Variants in MCM8 observed in about 807,000 individuals in gnomAD.
MCM8 encodes the protein minichromosome maintenance 8 homologous recombination repair factor, also known as DNA helicase MCM8.
Under a neutral mutation model 98.9 loss-of-function variants are expected in MCM8, and 85 were observed. The observed-to-expected ratio is 0.86, with a 90% CI of 0.72 to 1.03. The LOEUF (loss-of-function observed/expected upper bound fraction) is 1.03. Among genes scored for constraint, MCM8 ranks in the 50% least tolerant of loss-of-function variants. MCM8 has a pLI of 0.00. For missense variants in MCM8, 951 were observed against 997.8 expected (o/e 0.95, Z 0.63); for synonymous variants, 352 against 338.6 (o/e 1.04, Z -0.44).
chr20:5,953,533 G>A lies in MCM8; in HGVS notation c.253+1005G>A, dbSNP rs188768187. The stretch of plus-strand genomic sequence containing the variant: ...CTGTTGCCCAGGCTGAAGTGCAGTG[G>A]CGCGATCTTGGCTCACTGCAAGCTC... On this transcript the variant is annotated intron_variant, in intron 3 of 18. Coordinates refer to ENST00000610722, the MANE Select transcript of MCM8 (RefSeq NM_032485.6). Among the ~76,000 whole-genome samples, 604 of 151,728 alleles carry A rather than the reference G, an allele frequency of 4.0e-3. 4 individuals carry two copies. Among genetic ancestry groups the A allele is most frequent in the African/African-American group, 0.014 (570 of 41,324 alleles).
chr20:5,951,622 T>C (rs926652849), intron 1 of MCM8, among the ~76,000 whole-genome samples: 1 of 152,236 alleles, frequency 6.6e-6, no homozygotes, highest in Non-Finnish European at 1.5e-5. Flanking sequence ...GCCAGAATTA[T>C]GTTCATCCTG....
chr20:5,963,391 G>C (rs756187951), intron 8 of MCM8, 32 bp downstream of exon 8: 1 of 1,511,740 alleles, frequency 6.6e-7, no homozygotes, highest in Admixed American at 1.7e-5. Flanking sequence ...TAAAAGGCAG[G>C]CTTTAGATGT....
At position 5,995,987 on chromosome 20, in the gene MCM8, G is replaced by A. The variant is rs533390999; in HGVS notation, c.*1596G>A. ...TTTTTAAGTGAGGAAGGAAAAATCA[G>A]GAATCAAAAGGGGCCAGGTGCAGTG... is the stretch of plus-strand genomic sequence containing the variant. On this transcript the variant is annotated 3_prime_UTR_variant, in exon 19 of 19. Transcript: ENST00000610722. 7 of 152,234 alleles carry A rather than the reference G, an allele frequency of 4.6e-5. No individual in the cohort carries two copies. Among genetic ancestry groups the A allele is most frequent in the Non-Finnish European group, 8.8e-5 (6 of 68,084 alleles). 9.4% of individuals were successfully genotyped at this position (152,234 alleles called of 1,614,324 possible). A position where few individuals can be genotyped will look rare whatever the true frequency, so the allele number is the denominator to read the frequency against.
chr20:5,972,141 A>G (rs1272708537), intron 11 of MCM8, 104 bp downstream of exon 11: 3 of 741,718 alleles, frequency 4.0e-6, no homozygotes, highest in African/African-American at 3.6e-5. Context: ...CCAGTTATTT[A>G]TATCTTAATA....
intron 7 of MCM8, 93 bp downstream of exon 7, chr20:5,958,819 C>T: frequency 8.9e-7 from 1 of 1,123,560 alleles, no homozygotes; most frequent in South Asian, 1.7e-5. Context: ...GAACACAGAG[C>T]TTATTTTTAT....
intron 17 of MCM8, 56 bp downstream of exon 17, chr20:5,987,414 A>C: frequency 4.2e-6 from 6 of 1,439,716 alleles, no homozygotes; most frequent in Non-Finnish European, 4.8e-6. Context: ...TTCCCATCTC[A>C]AATTAGGTAA....
Position 5,957,156 on chromosome 20 carries a change from G to A in MCM8, c.517G>A (p.Ala173Thr), listed in dbSNP as rs1385189524. ...VLTKDLERHA[A>T]ELQAQEGLSN... The stretch of plus-strand genomic sequence containing the variant: ...AACTAAGGACCTTGAAAGGCATGCA[G>A]CTGAGTTACAAGCCCAGGAAGGATT... The change falls in exon 6 of 19, where the codon GCT becomes ACT. Residue 173 changes from alanine (A) to threonine (T), a missense_variant. By Grantham distance (58) the Ala-to-Thr change is moderately conservative (BLOSUM62 0). Transcript: ENST00000610722. 6.2e-7 allele frequency: 1 copy of A among 1,613,702 alleles called. No homozygotes were observed. Among genetic ancestry groups the A allele is most frequent in the East Asian group, 2.2e-5 (1 of 44,836 alleles).
At chr20:5,964,835 C>T (rs763765694) in intron 8 of MCM8, among the ~76,000 whole-genome samples, 8 of 152,118 alleles carry the variant, frequency 5.3e-5, no homozygotes, top group Non-Finnish European at 1.2e-4. Flanking sequence ...ATTGTACTTA[C>T]ATTAATTAAG....
At chr20:5,959,600 C>G (rs1483339388) in intron 7 of MCM8, among the ~76,000 whole-genome samples, 1 of 149,692 alleles carries the variant, frequency 6.7e-6, no homozygotes, top group African/African-American at 2.5e-5. Context: ...CAATTGTGCT[C>G]TTTCCAGTTT....
chr20:5,958,162 C>T (rs1342607454), intron 6 of MCM8, among the ~76,000 whole-genome samples: 4 of 152,126 alleles, frequency 2.6e-5, no homozygotes, highest in East Asian at 1.9e-4. Context: ...CGAGGTCAAG[C>T]GATCGAGACC....
At chr20:5,958,854 TA>T in intron 7 of MCM8, 128 bp downstream of exon 7, 1 of 857,450 alleles carries the variant, frequency 1.2e-6, no homozygotes, top group Non-Finnish European at 1.7e-6. Flanking sequence ...TTTCTGCTTT[TA>T]TATTATGAAA....
At chr20:5,964,862 A>G (rs1035784213) in intron 8 of MCM8, among the ~76,000 whole-genome samples, 2 of 152,252 alleles carry the variant, frequency 1.3e-5, no homozygotes, top group Non-Finnish European at 2.9e-5. Flanking sequence ...AAGCTTTAAT[A>G]ACATGTGCAT....
chr20:5,958,294 G>A (rs536270006), intron 6 of MCM8, among the ~76,000 whole-genome samples: 5 of 152,282 alleles, frequency 3.3e-5, no homozygotes, highest in South Asian at 2.1e-4. Flanking sequence ...ACTTGAACCC[G>A]GGAGGCAGTG....
intron 8 of MCM8, chr20:5,965,639 AAG>A (rs1391484543): frequency 6.6e-6 from 1 of 152,200 alleles, no homozygotes; most frequent in Non-Finnish European, 1.5e-5. Flanking sequence ...AAAATGACTC[AAG>A]CATCAAATTA....
At chr20:5,984,463 T>A (rs927417982) in intron 14 of MCM8, among the ~76,000 whole-genome samples, 2 of 152,202 alleles carry the variant, frequency 1.3e-5, no homozygotes, top group African/African-American at 4.8e-5. Flanking sequence ...AACAAAATAC[T>A]GAACTAGCTA....
intron 7 of MCM8, among the ~76,000 whole-genome samples, chr20:5,961,836 C>A (rs2089151059): frequency 6.6e-6 from 1 of 152,156 alleles, no homozygotes; most frequent in South Asian, 2.1e-4. Context: ...AAGAGGTCCT[C>A]CATTTGTCTG....
intron 14 of MCM8, among the ~76,000 whole-genome samples, chr20:5,983,900 A>G (rs2089679525): frequency 6.6e-6 from 1 of 152,196 alleles, no homozygotes; most frequent in Admixed American, 6.5e-5. Flanking sequence ...ATTGCTGCCA[A>G]ACATTGGAAA....
Position 5,952,532 on chromosome 20 carries a change from G to A in MCM8, c.253+4G>A. 1 of 1,610,054 alleles carries A rather than the reference G, an allele frequency of 6.2e-7. No homozygotes were observed. Among genetic ancestry groups the A allele is most frequent in the Non-Finnish European group, 8.5e-7 (1 of 1,178,124 alleles). The stretch of plus-strand genomic sequence containing the variant: ...TGGAAGCTTTATTTCTCTGAAGGTA[G>A]GGTTTAAAAAGTACAAAAAAGCACC... On this transcript the variant is annotated splice_donor_region_variant and intron_variant, in intron 3 of 18. Coordinates refer to ENST00000610722, the MANE Select transcript of MCM8 (RefSeq NM_032485.6).
chr20:5,966,642 C>T (rs888531686), intron 8 of MCM8, among the ~76,000 whole-genome samples: 2 of 152,046 alleles, frequency 1.3e-5, no homozygotes, highest in African/African-American at 4.8e-5. Context: ...GTTTCCTTTG[C>T]AATTTTTTAG....
Sources: gnomAD v4.1 joint callset for allele counts (sites outside exome capture counted in the v4.1 genomes callset) on GRCh38, gnomAD v4.1.1 for gene constraint, MANE v1.5 for transcripts, NCBI Gene and HGNC (gene_info 2026-07-23, HGNC 2026-07-21) for gene names.